The following RBM4B variants were observed in gnomAD, a reference collection of about 807,000 sequenced individuals.
The protein encoded by RBM4B is RNA-binding protein 4B.
RBM4B carries 13 observed loss-of-function variants against 28.5 expected under a neutral mutation model. That is an observed-to-expected ratio of 0.46 (90% CI 0.30 to 0.72). RBM4B has a LOEUF of 0.72. RBM4B is among the 30% of genes least tolerant of loss of function. The probability of loss-of-function intolerance (pLI) is 0.09; values close to 1 mark genes in which losing one functional copy is unlikely to be tolerated. For synonymous variants in RBM4B, 167 were observed against 179.1 expected (o/e 0.93, Z 0.54); for missense variants, 387 against 477.6 (o/e 0.81, Z 1.77).
At chr11:66,672,504 T>G (rs111758252) in intron 2 of RBM4B, among the ~76,000 whole-genome samples, 2 of 144,594 alleles carry the variant, frequency 1.4e-5, no homozygotes, top group East Asian at 2.1e-4. Flanking sequence ...ATTAATTTTT[T>G]TGGGGGGGGG....
chr11:66,667,286 CT>C (rs1939272914), intron 3 of RBM4B: 1 of 152,212 alleles, frequency 6.6e-6, no homozygotes, highest in Non-Finnish European at 1.5e-5. Flanking sequence ...CATTTTAGCA[CT>C]TTTGGTACAC....
In RBM4B at chr11:66,669,031, G is replaced by T; in HGVS notation, c.673C>A (p.Arg225=). Residue 225 remains arginine, a synonymous_variant, in exon 3 of 4, where the codon CGG becomes AGG. Coordinates refer to ENST00000310046, the MANE Select transcript of RBM4B (RefSeq NM_031492.4). The part of the protein sequence containing the change: ...YGALDYYKRY[R]VRSYEAVAAA... ...GCTACTGCCTCATAAGAGCGGACCC[G>T]GTATCGCTTATAGTAGTCGAGTGCT... 6.2e-7 allele frequency: 1 copy of T among 1,614,170 alleles called. No homozygotes were observed. Among genetic ancestry groups the T allele is most frequent in the Non-Finnish European group, 8.5e-7 (1 of 1,180,038 alleles).
intron 3 of RBM4B, chr11:66,667,143 G>A (rs1210882371): frequency 2.0e-5 from 3 of 152,150 alleles, no homozygotes; most frequent in African/African-American, 2.4e-5. Context: ...CTTTAACCTT[G>A]CTTCTGGGGC....
At position 66,665,408 on chromosome 11, in the gene RBM4B, G is replaced by A. The variant is rs1336248455; in HGVS notation, c.*180C>T. 2 of 647,486 alleles carry A rather than the reference G, an allele frequency of 3.1e-6. No homozygotes were observed. The highest frequency in any genetic ancestry group is 5.5e-6 in the Non-Finnish European group (2 of 364,614). 40.1% of individuals were successfully genotyped at this position (647,486 alleles called of 1,614,324 possible). On this transcript the variant is annotated 3_prime_UTR_variant, in exon 4 of 4. Coordinates refer to ENST00000310046, the MANE Select transcript of RBM4B (RefSeq NM_031492.4). ...TGAAAGGCTACAGAGACTAGTTTCA[G>A]GAGGAAAGAAAAGTCAACTTAGAAG... is the stretch of plus-strand genomic sequence containing the variant.
Position 66,668,682 on chromosome 11 carries a change from T to TCATACAGAGAATTCCGTGTAG in RBM4B, c.1001_1021dup (p.Ala334_Tyr340dup). ...CTGCTCCCGTTCATACCGGGCCATG[T>TCATACAGAGAATTCCGTGTAG]CATACAGAGAATTCCGTGTAGCTGC... On this transcript the variant is annotated inframe_insertion, in exon 3 of 4. Transcript: ENST00000310046. 6.2e-7 allele frequency: 1 copy of TCATACAGAGAATTCCGTGTAG among 1,614,188 alleles called. No homozygotes were observed. Among genetic ancestry groups the TCATACAGAGAATTCCGTGTAG allele is most frequent in the Non-Finnish European group, 8.5e-7 (1 of 1,180,018 alleles).
intron 2 of RBM4B, among the ~76,000 whole-genome samples, chr11:66,672,547 G>A (rs1939502333): frequency 6.7e-6 from 1 of 150,092 alleles, no homozygotes; most frequent in Non-Finnish European, 1.5e-5. Context: ...CCAGGCTGGA[G>A]TGCAGTGGCG....
At chr11:66,668,378 A>C (rs1170060761) in intron 3 of RBM4B, 1 of 474,922 alleles carries the variant, frequency 2.1e-6, no homozygotes, top group East Asian at 3.2e-5. Flanking sequence ...TCTCACTAAC[A>C]AACTGAATTT....
intron 2 of RBM4B, among the ~76,000 whole-genome samples, chr11:66,672,573 G>A (rs1939503435): frequency 6.6e-6 from 1 of 150,386 alleles, no homozygotes; most frequent in Non-Finnish European, 1.5e-5. Flanking sequence ...TCGGCTCACT[G>A]CAACTTCTGC....
chr11:66,675,319 G>A (rs575170969), intron 2 of RBM4B, among the ~76,000 whole-genome samples: 1 of 152,136 alleles, frequency 6.6e-6, no homozygotes, highest in South Asian at 2.1e-4. Context: ...CCATAAGTGG[G>A]GACAATCTTA....
At chr11:66,677,376 G>C (rs1055199732) in intron 1 of RBM4B, 20 of 469,366 alleles carry the variant, frequency 4.3e-5, no homozygotes, top group Non-Finnish European at 6.9e-5. Context: ...GTCTTAAAAT[G>C]AGGGAAGAGA....
At position 66,677,090 on chromosome 11, in the gene RBM4B, G is replaced by T; in HGVS notation, c.-11C>A. The stretch of plus-strand genomic sequence containing the variant: ...GAACAGCTTCACCATCCTGACAAGA[G>T]CCTGGGAGAGAAACACAAGACTTCA... On this transcript the variant is annotated splice_region_variant and 5_prime_UTR_variant, in exon 2 of 4. Transcript: ENST00000310046. 1 of 1,609,844 alleles carries T rather than the reference G, an allele frequency of 6.2e-7. No homozygotes were observed. Among genetic ancestry groups the T allele is most frequent in the African/African-American group, 1.3e-5 (1 of 74,916 alleles).
intron 3 of RBM4B, chr11:66,666,293 C>G: frequency 9.2e-7 from 1 of 1,083,134 alleles, no homozygotes; most frequent in Non-Finnish European, 1.1e-6. Flanking sequence ...CTACTTATTA[C>G]AGACAAAGGG....
chr11:66,668,639 C>G lies in RBM4B; in HGVS notation c.1065G>C (p.Arg355=). 6.2e-7 allele frequency: 1 copy of G among 1,602,726 alleles called. No homozygotes were observed. The highest frequency in any genetic ancestry group is 8.5e-7 in the Non-Finnish European group (1 of 1,170,580). Residue 355 remains arginine (R), a synonymous_variant, in exon 3 of 4, where the codon CGG becomes CGC. Coordinates refer to ENST00000310046, the MANE Select transcript of RBM4B (RefSeq NM_031492.4). ...CCTCCAGTTTTTAAAAGGCTGAGTACCGGGCTCGGTCCACATACTGCTCCC... is the reference window on the plus strand; with the variant it reads ...CCTCCAGTTTTTAAAAGGCTGAGTAGCGGGCTCGGTCCACATACTGCTCCC... ...YEREQYVDRA[R]YSAF
chr11:66,676,144 T>A (rs1376340284), intron 2 of RBM4B: 1 of 158,454 alleles, frequency 6.3e-6, no homozygotes, highest in Non-Finnish European at 1.4e-5. Flanking sequence ...CTGCACAACT[T>A]TGATCAACAA....
chr11:66,666,357 G>C, intron 3 of RBM4B: 1 of 1,010,622 alleles, frequency 9.9e-7, no homozygotes, highest in Non-Finnish European at 1.2e-6. Flanking sequence ...TGACGTTCTT[G>C]GATCAGTTCT....
chr11:66,673,231 CTGCCTGATTGT>C (rs1939526896), intron 2 of RBM4B, among the ~76,000 whole-genome samples: 1 of 151,228 alleles, frequency 6.6e-6, no homozygotes, highest in Admixed American at 6.6e-5. Context: ...CCCAATTAAG[CTGCCTGATTGT>C]TATTTGGGAA....
chr11:66,668,833 C>T lies in RBM4B; in HGVS notation c.871G>A (p.Ala291Thr), dbSNP rs200939157. 1 of 1,614,190 alleles carries T rather than the reference C, an allele frequency of 6.2e-7. No homozygotes were observed. ...TAGTAGGAGGAAGTGGTGGCTGCAG[C>T]AGCAGCCATAGCAGCTGAAGTGGCA... ...AAATSAAMAA[A>T]AATTSSYYGR... The change falls in exon 3 of 4, where the codon GCT becomes ACT. Residue 291 changes from alanine to threonine, a missense_variant. Physicochemically the swap from Ala to Thr is moderately conservative, Grantham distance 58. Around this residue, in one of 2 missense-constraint regions of RBM4B, gnomAD observed 226 missense variants for 220.6 expected, o/e 1.02. Coordinates refer to ENST00000310046, the MANE Select transcript of RBM4B (RefSeq NM_031492.4).
chr11:66,669,326 C>T (rs779429638), intron 2 of RBM4B, 35 bp from the exon 3 acceptor site: 15 of 1,584,848 alleles, frequency 9.5e-6, no homozygotes, highest in South Asian at 3.4e-5. Flanking sequence ...TTTATTTTAA[C>T]TCACTTGACA....
intron 2 of RBM4B, among the ~76,000 whole-genome samples, chr11:66,672,180 G>T (rs553609004): frequency 2.6e-5 from 4 of 151,684 alleles, no homozygotes; most frequent in Non-Finnish European, 5.9e-5. Flanking sequence ...GCTGAGGTGA[G>T]CCAATCACCT....
Sources: gnomAD v4.1 joint callset for allele counts (sites outside exome capture counted in the v4.1 genomes callset) on GRCh38, gnomAD v4.1.1 for gene constraint, gnomAD v4.1.1 regional missense constraint, MANE v1.5 for transcripts, NCBI Gene and HGNC (gene_info 2026-07-23, HGNC 2026-07-21) for gene names.